The following VMA22 variants were observed in gnomAD, a reference collection of about 807,000 sequenced individuals.
VMA22 encodes vacuolar ATPase assembly factor VMA22, also known as vacuolar ATPase assembly protein VMA22.
the VMA22 span, chr2:130,339,794 G>A: frequency 7.7e-7 from 1 of 1,301,218 alleles, no homozygotes; most frequent in Admixed American, 2.3e-5. Flanking sequence ...CAGTTTCCTT[G>A]ACTGGCTTCT....
At chr2:130,339,651 G>T in the VMA22 span, 7 of 1,304,896 alleles carry the variant, frequency 5.4e-6, no homozygotes, top group East Asian at 3.9e-4. Flanking sequence ...AACAGCTGCT[G>T]CCCAGTCCTC....
chr2:130,341,637 G>A, the VMA22 span: 7 of 1,571,146 alleles, frequency 4.5e-6, no homozygotes, highest in Admixed American at 3.6e-5. Flanking sequence ...ACACTGGGAA[G>A]GGGTTCTGCA....
At chr2:130,342,083 G>A in the VMA22 span, 9 of 1,613,714 alleles carry the variant, frequency 5.6e-6, no homozygotes, top group Non-Finnish European at 7.6e-6. Context: ...AGCAGCTGCA[G>A]GACCAGCGAA....
At chr2:130,340,361 C>T in the VMA22 span, 1 of 179,830 alleles carries the variant, frequency 5.6e-6, no homozygotes, top group East Asian at 1.7e-4. Flanking sequence ...ATCCTCTGCT[C>T]AGAGCCTCTC....
the VMA22 span, chr2:130,341,902 T>C: frequency 6.2e-7 from 1 of 1,602,020 alleles, no homozygotes; most frequent in Non-Finnish European, 8.5e-7. Flanking sequence ...CCTACCGACT[T>C]GGCGCCCATC....
the VMA22 span, chr2:130,340,854 C>G: frequency 1.9e-6 from 3 of 1,609,570 alleles, no homozygotes; most frequent in African/African-American, 2.7e-5. Flanking sequence ...CTCAAGTGTT[C>G]CCTGTGGATA....
At chr2:130,340,947 G>A in the VMA22 span, 4 of 1,613,974 alleles carry the variant, frequency 2.5e-6, no homozygotes, top group Non-Finnish European at 2.5e-6. Flanking sequence ...AGACTGTGAG[G>A]AACTAGGATT....
At chr2:130,341,568 C>T in the VMA22 span, 3 of 1,004,002 alleles carry the variant, frequency 3.0e-6, no homozygotes, top group African/African-American at 1.6e-5. Context: ...CTCTGGGATG[C>T]TCTCTCTTAT....
the VMA22 span, chr2:130,338,763 G>A: frequency 5.6e-5 from 12 of 215,530 alleles, no homozygotes; most frequent in Non-Finnish European, 1.1e-4. Context: ...AGCATGAAGC[G>A]CTACTTCCTG....
chr2:130,340,958 C>T, the VMA22 span: 2 of 1,613,866 alleles, frequency 1.2e-6, no homozygotes, highest in African/African-American at 1.3e-5. Context: ...AACTAGGATT[C>T]CAAACCAGTT....
the VMA22 span, chr2:130,340,539 T>C: frequency 4.1e-4 from 121 of 297,056 alleles, no homozygotes; most frequent in African/African-American, 2.4e-3. Context: ...CTTCACCTCC[T>C]CAGAGAGACC....
chr2:130,341,873 G>A, the VMA22 span: 12 of 1,612,074 alleles, frequency 7.4e-6, no homozygotes, highest in African/African-American at 1.5e-4. Context: ...GCTCCATGTG[G>A]GAAGCATACT....
the VMA22 span, chr2:130,341,546 T>C: frequency 2.4e-6 from 2 of 818,676 alleles, no homozygotes; most frequent in East Asian, 2.7e-5. Context: ...ACAAAAACAT[T>C]CTGTTCTTCT....
the VMA22 span, chr2:130,340,044 C>G: frequency 4.4e-6 from 1 of 227,640 alleles, no homozygotes; most frequent in African/African-American, 2.3e-5. Context: ...CACACCAACT[C>G]CTGCCTTCTG....
chr2:130,339,798 G>A, the VMA22 span: 1 of 1,300,458 alleles, frequency 7.7e-7, no homozygotes, highest in Admixed American at 2.3e-5. Context: ...TTCCTTGACT[G>A]GCTTCTCCCC....
the VMA22 span, chr2:130,340,639 C>T: frequency 1.7e-4 from 80 of 475,360 alleles, no homozygotes; most frequent in Admixed American, 9.7e-4. Context: ...CTTATTTGCA[C>T]GTTGCCTTTG....
At chr2:130,340,056 A>G in the VMA22 span, 1 of 218,950 alleles carries the variant, frequency 4.6e-6, no homozygotes, top group East Asian at 1.2e-4. Flanking sequence ...TGCCTTCTGG[A>G]ATCCTCTCAG....
At chr2:130,342,074 G>C in the VMA22 span, 1 of 1,613,860 alleles carries the variant, frequency 6.2e-7, no homozygotes, top group Non-Finnish European at 8.5e-7. Flanking sequence ...AGGTCCCCAA[G>C]CAGCTGCAGG....
chr2:130,341,707 A>G, the VMA22 span: 2 of 1,611,736 alleles, frequency 1.2e-6, no homozygotes, highest in Non-Finnish European at 1.7e-6. Flanking sequence ...CGTGGACACC[A>G]GCTCTCACCA....
Sources: allele counts gnomAD v4.1 joint callset, GRCh38; gene constraint gnomAD v4.1.1; transcripts MANE v1.5; gene names NCBI Gene and HGNC (gene_info 2026-07-23, HGNC 2026-07-21).